The following DISP1 variants were observed in gnomAD, a reference collection of about 807,000 sequenced individuals.
DISP1 encodes dispatched RND transporter family member 1.
A neutral mutation model predicts 37.3 loss-of-function variants in DISP1; 30 were observed. The observed-to-expected ratio is 0.80, with a 90% CI of 0.60 to 1.09. The LOEUF is 1.09. Among genes scored for constraint, DISP1 ranks in the 50% least tolerant of loss-of-function variants. The pLI, the probability that DISP1 is intolerant of heterozygous loss-of-function variation, is 0.00. For synonymous variants in DISP1, 634 were observed against 690.2 expected, an observed-to-expected ratio of 0.92 and a Z score of 1.28; for missense variants, 1,598 against 1,879.5, an observed-to-expected ratio of 0.85 and a Z score of 2.77.
intron 4 of DISP1, among the ~76,000 whole-genome samples, chr1:222,986,159 G>A (rs1490341723): frequency 6.6e-6 from 1 of 152,110 alleles, no homozygotes; most frequent in Admixed American, 6.6e-5. Flanking sequence ...GCAAAAGCCA[G>A]GCTATAAGGG....
Position 223,005,928 on chromosome 1 carries a change from C to T in DISP1, c.4531C>T (p.His1511Tyr), listed in dbSNP as rs1679878882. The change falls in exon 9 of 9, where the codon CAC becomes TAC. Residue 1511 changes from histidine to tyrosine, a missense_variant. Coordinates refer to ENST00000675850, the MANE Select transcript of DISP1 (RefSeq NM_001377229.1). The stretch of plus-strand genomic sequence containing the variant: ...AGCCAATGTGCCTGCTGTATTAACA[C>T]ACTCGGAACTTTCTGGTGAAAGTTT... The part of the protein sequence containing the change: ...MEANVPAVLT[H>Y]SELSGESLLI... 7.4e-6 allele frequency: 12 copies of T among 1,613,922 alleles called. No individual in the cohort carries two copies. The highest frequency in any genetic ancestry group is 1.3e-5 in the African/African-American group (1 of 74,904).
chr1:222,913,609 G>A lies in DISP1; in HGVS notation c.-158-14821G>A, dbSNP rs1672326173. Among the ~76,000 whole-genome samples, 5 of 151,918 alleles carry A rather than the reference G, an allele frequency of 3.3e-5. No individual in the cohort carries two copies. The South Asian group carries it at 8.3e-4, about 25-fold the overall frequency. ...GCAAGGTACTAGCACTAAACATTCA[G>A]TAAAGGAGTAGATAAGGCTGGGCAT... On this transcript the variant is annotated intron_variant, in intron 1 of 8. Coordinates refer to ENST00000675850, the MANE Select transcript of DISP1 (RefSeq NM_001377229.1).
chr1:222,972,699 T>C (rs145002473), intron 3 of DISP1, among the ~76,000 whole-genome samples: 1 of 152,336 alleles, frequency 6.6e-6, no homozygotes, highest in African/African-American at 2.4e-5. Flanking sequence ...TTTCAGGGGC[T>C]ATTCTTTGGA....
At chr1:222,988,476 T>C (rs1678430789) in intron 4 of DISP1, among the ~76,000 whole-genome samples, 1 of 152,172 alleles carries the variant, frequency 6.6e-6, no homozygotes, top group Admixed American at 6.5e-5. Context: ...GTTGTGAGAA[T>C]TGAACAATAT....
At chr1:222,825,115 C>T (rs1379481032) in intron 1 of DISP1, among the ~76,000 whole-genome samples, 5 of 136,672 alleles carry the variant, frequency 3.7e-5, no homozygotes, top group East Asian at 2.2e-4. Flanking sequence ...GTTAACAGTT[C>T]GGTCTCAAAT....
intron 1 of DISP1, among the ~76,000 whole-genome samples, chr1:222,877,946 A>G (rs1401136956): frequency 6.6e-6 from 1 of 152,196 alleles, no homozygotes; most frequent in African/African-American, 2.4e-5. Flanking sequence ...GGCCAGCGAA[A>G]TGGAGCAGAG....
intron 4 of DISP1, among the ~76,000 whole-genome samples, chr1:222,985,247 A>G (rs1678182118): frequency 6.6e-6 from 1 of 152,198 alleles, no homozygotes; most frequent in Non-Finnish European, 1.5e-5. Context: ...TGTGCATATA[A>G]ATATAACTTC....
At chr1:222,994,236 G>A (rs535615755) in intron 7 of DISP1, among the ~76,000 whole-genome samples, 1 of 152,260 alleles carries the variant, frequency 6.6e-6, no homozygotes, top group East Asian at 1.9e-4. Context: ...TAAATGACAG[G>A]ACCTGGTTAT....
At chr1:222,820,100 T>A (rs1558275622) in intron 1 of DISP1, among the ~76,000 whole-genome samples, 1 of 152,156 alleles carries the variant, frequency 6.6e-6, no homozygotes, top group African/African-American at 2.4e-5. Flanking sequence ...TTCAATCCAG[T>A]GCCCTTTCAG....
At chr1:222,986,069 G>C (rs1005712794) in intron 4 of DISP1, among the ~76,000 whole-genome samples, 2 of 152,184 alleles carry the variant, frequency 1.3e-5, no homozygotes, top group African/African-American at 4.8e-5. Flanking sequence ...GTAGCTAACA[G>C]TGTTAAATTC....
chr1:222,848,212 GT>G (rs2125303803), intron 1 of DISP1, among the ~76,000 whole-genome samples: 1 of 151,896 alleles, frequency 6.6e-6, no homozygotes, highest in South Asian at 2.1e-4. Context: ...TTATCTGTTT[GT>G]TTTTTAAATT....
At chr1:222,911,049 G>A (rs1672180300) in intron 1 of DISP1, among the ~76,000 whole-genome samples, 1 of 152,144 alleles carries the variant, frequency 6.6e-6, no homozygotes, top group African/African-American at 2.4e-5. Flanking sequence ...AGCAACATAT[G>A]TATCTTTAAG....
intron 1 of DISP1, among the ~76,000 whole-genome samples, chr1:222,839,826 G>A (rs1404599034): frequency 2.6e-5 from 4 of 152,104 alleles, no homozygotes; most frequent in East Asian, 3.9e-4. Context: ...CCAGGTACTC[G>A]GGAGGCTGAG....
chr1:222,995,330 T>G (rs1341745614), intron 8 of DISP1, among the ~76,000 whole-genome samples: 1 of 152,234 alleles, frequency 6.6e-6, no homozygotes, highest in Non-Finnish European at 1.5e-5. Flanking sequence ...GTTTCATTGT[T>G]CCCTATTTCC....
At chr1:222,948,227 G>A (rs1261879126) in intron 3 of DISP1, among the ~76,000 whole-genome samples, 1 of 152,186 alleles carries the variant, frequency 6.6e-6, no homozygotes, top group Non-Finnish European at 1.5e-5. Context: ...AGTAATACAT[G>A]ACAATGCACT....
At chr1:222,969,611 A>G (rs1241888990) in intron 3 of DISP1, among the ~76,000 whole-genome samples, 1 of 152,002 alleles carries the variant, frequency 6.6e-6, no homozygotes, top group Non-Finnish European at 1.5e-5. Flanking sequence ...ATAATGGAAC[A>G]TGTGGCTACT....
At position 223,003,621 on chromosome 1, in the gene DISP1, A is replaced by T; in HGVS notation, c.2224A>T (p.Met742Leu). 1 of 1,614,232 alleles carries T rather than the reference A, an allele frequency of 6.2e-7. No individual in the cohort carries two copies. Among genetic ancestry groups the T allele is most frequent in the East Asian group, 2.2e-5 (1 of 44,886 alleles). ...CTACATTGTATGTATAAATCCAAAGATGAAACTGCCCTCACTGGAGTTATC... is the reference window on the plus strand; with the variant it reads ...CTACATTGTATGTATAAATCCAAAGTTGAAACTGCCCTCACTGGAGTTATC... ...GAYIVCINPKMKLPSLELSEF... is the reference protein window; with the variant it reads ...GAYIVCINPKLKLPSLELSEF... Residue 742 changes from methionine to leucine, a missense_variant, in exon 9 of 9, where the codon ATG (methionine) becomes TTG (leucine). Coordinates refer to ENST00000675850, the MANE Select transcript of DISP1 (RefSeq NM_001377229.1). This position sits in a 1 kb window ranked among gnomAD's most constrained non-coding sequence, Gnocchi z 4.3.
chr1:222,942,802 C>G lies in DISP1; in HGVS notation c.-17-5C>G, dbSNP rs781780114. On this transcript the variant is annotated splice_polypyrimidine_tract_variant and splice_region_variant and intron_variant, in intron 2 of 8. Transcript: ENST00000675850. The stretch of plus-strand genomic sequence containing the variant: ...ACTGGGCGATTTTATGATTTTCTTA[C>G]TTAGAGTCAAGAAATTGGAGCATGG... 1.1e-5 allele frequency: 17 copies of G among 1,613,924 alleles called. No homozygotes were observed. The highest frequency in any genetic ancestry group is 2.7e-5 in the African/African-American group (2 of 74,868).
At chr1:222,875,294 G>A (rs1030348514) in intron 1 of DISP1, among the ~76,000 whole-genome samples, 17 of 151,936 alleles carry the variant, frequency 1.1e-4, no homozygotes, top group African/African-American at 3.6e-4. Flanking sequence ...GCCTGGGTAA[G>A]AGAGTGAGAC....
Sources: gnomAD v4.1 joint callset for allele counts (sites outside exome capture counted in the v4.1 genomes callset) on GRCh38, gnomAD v4.1.1 for gene constraint, Gnocchi (gnomAD v3.1) non-coding constraint, MANE v1.5 for transcripts, NCBI Gene and HGNC (gene_info 2026-07-23, HGNC 2026-07-21) for gene names.